SHANK2: variants seen among roughly 807,000 people sequenced by gnomAD.
SHANK2 encodes the protein SH3 and multiple ankyrin repeat domains protein 2.
A neutral mutation model predicts 133.7 loss-of-function variants in SHANK2; 43 were observed. The observed-to-expected ratio is 0.32, with a 90% CI of 0.25 to 0.41. The LOEUF is 0.41. Ranked by LOEUF, SHANK2 falls within the 10% of genes least tolerant of loss-of-function variation. The probability of loss-of-function intolerance (pLI) is 1.00; values close to 1 mark genes in which losing one functional copy is unlikely to be tolerated. For missense variants in SHANK2, 1,994 were observed against 2,235.8 expected (o/e 0.89, Z 2.18); for synonymous variants, 1,017 against 952.8 (o/e 1.07, Z -1.24).
At chr11:71,163,093 A>AAAAAATATATATATAT in intron 2 of SHANK2, among the ~76,000 whole-genome samples, 2 of 84,678 alleles carry the variant, frequency 2.4e-5, no homozygotes, top group African/African-American at 4.6e-5. Context: ...AAAAAAAAAA[A>AAAAAATATATATATAT]ATACATATAT....
chr11:70,888,426 C>T (rs573921759), intron 11 of SHANK2, among the ~76,000 whole-genome samples: 5 of 151,728 alleles, frequency 3.3e-5, no homozygotes, highest in Non-Finnish European at 5.9e-5. Flanking sequence ...ATTGCCCTCT[C>T]GCAAACACAC....
intron 15 of SHANK2, among the ~76,000 whole-genome samples, chr11:70,674,981 C>A (rs1239530224): frequency 6.6e-6 from 1 of 152,180 alleles, no homozygotes; most frequent in Non-Finnish European, 1.5e-5. Context: ...TAAGAAAAGT[C>A]TCAATCTTGC....
At chr11:70,726,420 G>A (rs566359718) in intron 14 of SHANK2, among the ~76,000 whole-genome samples, 3 of 150,694 alleles carry the variant, frequency 2.0e-5, no homozygotes, top group South Asian at 4.3e-4. Flanking sequence ...CTCTGGTCAG[G>A]AGGCTAGAGA....
chr11:70,870,781 T>C (rs1268924698), intron 11 of SHANK2, among the ~76,000 whole-genome samples: 46 of 152,172 alleles, frequency 3.0e-4, no homozygotes, highest in Admixed American at 3.0e-3. Flanking sequence ...ATTCATTCAT[T>C]CATTTATTTA....
chr11:70,752,857 T>C (rs1261700427), intron 14 of SHANK2, among the ~76,000 whole-genome samples: 1 of 152,152 alleles, frequency 6.6e-6, no homozygotes, highest in Non-Finnish European at 1.5e-5. Flanking sequence ...CTCACACTTG[T>C]AATCTCAGTA....
At chr11:70,836,304 G>A (rs1216524226) in intron 11 of SHANK2, among the ~76,000 whole-genome samples, 5 of 152,226 alleles carry the variant, frequency 3.3e-5, no homozygotes, top group African/African-American at 1.2e-4. Flanking sequence ...GAGACTGGGG[G>A]TGAGGACAGT....
intron 6 of SHANK2, among the ~76,000 whole-genome samples, chr11:71,097,233 A>G (rs527299335): frequency 2.2e-4 from 34 of 151,972 alleles, no homozygotes; most frequent in African/African-American, 7.5e-4. Flanking sequence ...TGGCTTAGCC[A>G]CCACATTTGC....
At chr11:70,631,406 A>ACC (rs1555002189) in intron 17 of SHANK2, among the ~76,000 whole-genome samples, 33 of 149,442 alleles carry the variant, frequency 2.2e-4, no homozygotes, top group Non-Finnish European at 3.9e-4. Context: ...ACACACACAC[A>ACC]CACCCACACA....
At chr11:70,870,060 A>G (rs1325478037) in intron 11 of SHANK2, among the ~76,000 whole-genome samples, 5 of 152,170 alleles carry the variant, frequency 3.3e-5, no homozygotes, top group African/African-American at 1.2e-4. Flanking sequence ...TGAGGTTGCG[A>G]CGAGGTAATA....
At chr11:70,820,302 G>A in intron 12 of SHANK2, 62 bp downstream of exon 12, 1 of 590,356 alleles carries the variant, frequency 1.7e-6, no homozygotes, top group Non-Finnish European at 3.1e-6. Flanking sequence ...ACCCCAAGTT[G>A]GAGGAGCTGG....
chr11:70,790,701 T>A (rs1409556165), intron 14 of SHANK2, among the ~76,000 whole-genome samples: 1 of 152,172 alleles, frequency 6.6e-6, no homozygotes, highest in African/African-American at 2.4e-5. Flanking sequence ...TCTATCTGTA[T>A]CTACATCTGT....
chr11:71,064,028 T>G (rs1038800239), intron 9 of SHANK2, among the ~76,000 whole-genome samples: 51,142 of 150,476 alleles, frequency 0.34, 9,386 homozygotes, highest in African/African-American at 0.48. Flanking sequence ...TCCATTTACA[T>G]ATGAAGACCT....
intron 17 of SHANK2, among the ~76,000 whole-genome samples, chr11:70,597,637 C>G (rs975213010): frequency 2.0e-5 from 3 of 152,108 alleles, no homozygotes; most frequent in Non-Finnish European, 4.4e-5. Flanking sequence ...CTTTGGGAGG[C>G]CGAGGTGGGT....
At chr11:70,554,886 C>T (rs2136100042) in intron 17 of SHANK2, among the ~76,000 whole-genome samples, 1 of 141,552 alleles carries the variant, frequency 7.1e-6, no homozygotes, top group South Asian at 2.4e-4. Context: ...CTTCATTGCA[C>T]TTCACGAACA....
intron 11 of SHANK2, among the ~76,000 whole-genome samples, chr11:70,889,980 G>A (rs191800369): frequency 5.8e-4 from 88 of 152,262 alleles, no homozygotes; most frequent in African/African-American, 1.4e-3. Context: ...TTTCCTGAGC[G>A]GGTGTGGTGT....
At chr11:71,109,804 T>C in intron 6 of SHANK2, 137 bp downstream of exon 6, 2 of 672,128 alleles carry the variant, frequency 3.0e-6, no homozygotes, top group Admixed American at 2.5e-5. Flanking sequence ...CAGAGGAGAG[T>C]GAGAATGCAC....
At chr11:71,125,819 G>T (rs1482540558) in intron 3 of SHANK2, among the ~76,000 whole-genome samples, 1 of 152,200 alleles carries the variant, frequency 6.6e-6, no homozygotes, top group Non-Finnish European at 1.5e-5. Context: ...TGGCTTAAAA[G>T]CTTCAAAGGA....
At chr11:70,784,348 T>TTTTTTTTTG (rs1947594269) in intron 14 of SHANK2, among the ~76,000 whole-genome samples, 5 of 119,316 alleles carry the variant, frequency 4.2e-5, no homozygotes, top group African/African-American at 2.0e-4. Context: ...GGCTAGTTTT[T>TTTTTTTTTG]TTTTTTTTTT....
chr11:70,641,730 C>T lies in SHANK2; in HGVS notation c.2061+18098G>A, dbSNP rs1035821313. ...CCGACTTGAGAGGGGCAATAAATAT[C>T]TTTCCACGGCTCAAATGAACAGCCA... On this transcript the variant is annotated intron_variant, in intron 17 of 25. Coordinates refer to ENST00000601538, the MANE Select transcript of SHANK2 (RefSeq NM_012309.5). 5.1e-4 allele frequency among the ~76,000 whole-genome samples: 78 copies of T among 152,370 alleles called. 1 individual carries two copies. The highest frequency in any genetic ancestry group is 1.6e-3 in the African/African-American group (65 of 41,592).
Sources: allele counts gnomAD v4.1 joint callset (sites outside exome capture counted in the v4.1 genomes callset), GRCh38; gene constraint gnomAD v4.1.1; transcripts MANE v1.5; gene names NCBI Gene and HGNC (gene_info 2026-07-23, HGNC 2026-07-21).